Variants in TIMP2 observed in about 807,000 individuals in gnomAD.
TIMP2 encodes metalloproteinase inhibitor 2.
A neutral mutation model predicts 24.3 loss-of-function variants in TIMP2; 5 were observed. That is an observed-to-expected ratio of 0.21 (90% CI 0.11 to 0.43). The LOEUF (loss-of-function observed/expected upper bound fraction) is 0.43. Ranked by LOEUF, TIMP2 falls within the 20% of genes least tolerant of loss-of-function variation. The pLI, the probability that TIMP2 is intolerant of heterozygous loss-of-function variation, is 1.00. For synonymous variants in TIMP2, 130 were observed against 123.2 expected (o/e 1.06, Z -0.37); for missense variants, 221 against 297.5 (o/e 0.74, Z 1.89).
intron 1 of TIMP2, among the ~76,000 whole-genome samples, chr17:78,918,086 A>G (rs966985448): frequency 2.1e-5 from 3 of 146,312 alleles, no homozygotes; most frequent in African/African-American, 7.8e-5. Flanking sequence ...ACACACACAC[A>G]CACACACACA....
intron 2 of TIMP2, among the ~76,000 whole-genome samples, chr17:78,872,381 C>A (rs1045622607): frequency 6.6e-6 from 1 of 152,084 alleles, no homozygotes; most frequent in African/African-American, 2.4e-5. Context: ...ACTCCATGGG[C>A]CAGAAGAGTT....
intron 1 of TIMP2, among the ~76,000 whole-genome samples, chr17:78,877,663 T>C (rs949847126): frequency 3.3e-5 from 5 of 151,934 alleles, no homozygotes; most frequent in African/African-American, 1.2e-4. Context: ...GAATTCTGTA[T>C]GTTATTTTGG....
chr17:78,883,183 G>A (rs189691430), intron 1 of TIMP2, among the ~76,000 whole-genome samples: 138 of 152,342 alleles, frequency 9.1e-4, no homozygotes, highest in African/African-American at 3.2e-3. Flanking sequence ...TGGGAAGCAG[G>A]AAAGACCTCA....
rs115500726 is a variant in TIMP2 at position 78,892,853 on chromosome 17, G to A, written c.131-18934C>T. 7.6e-3 allele frequency among the ~76,000 whole-genome samples: 1,165 copies of A among 152,308 alleles called. 13 individuals are homozygous for A. The highest frequency in any genetic ancestry group is 0.027 in the African/African-American group (1,121 of 41,560). ...GACAGTGAATAACCTGGCCAGAGAT[G>A]TCAGTAGTGCCGAGACTGACAATCC... On this transcript the variant is annotated intron_variant, in intron 1 of 4. Transcript: ENST00000262768.
intron 1 of TIMP2, chr17:78,901,356 G>A: frequency 4.8e-6 from 1 of 207,752 alleles, no homozygotes; most frequent in South Asian, 7.4e-5. Flanking sequence ...AACTGTTCAA[G>A]ACCTAAAGGA....
chr17:78,880,879 T>A (rs2069773446), intron 1 of TIMP2, among the ~76,000 whole-genome samples: 1 of 152,210 alleles, frequency 6.6e-6, no homozygotes, highest in African/African-American at 2.4e-5. Flanking sequence ...GGCCCAAGTT[T>A]GGGACAGGCA....
intron 1 of TIMP2, chr17:78,904,503 C>T (rs6501262): frequency 0.56 from 84,748 of 151,796 alleles, 24,392 homozygotes; most frequent in African/African-American, 0.71. Context: ...GCTGGAAGGA[C>T]CCTGGAAAGG....
intron 4 of TIMP2, 159 bp from the exon 5 acceptor site, chr17:78,856,023 G>A: frequency 1.4e-6 from 1 of 711,602 alleles, no homozygotes; most frequent in Non-Finnish European, 2.4e-6. Context: ...GGGGCAGGCA[G>A]CTGGCCTGCG....
intron 1 of TIMP2, chr17:78,901,953 TAAAAC>T: frequency 1.7e-6 from 1 of 597,048 alleles, no homozygotes. Flanking sequence ...CAAGCCCAGA[TAAAAC>T]AAACATCAGA....
chr17:78,910,194 CT>C lies in TIMP2; in HGVS notation c.130+14764del, dbSNP rs941956227. On this transcript the variant is annotated intron_variant, in intron 1 of 4. Transcript: ENST00000262768. ...AATATACTTTTGTTAATTTCTTTTT[CT>C]TTTTTTTTTTTTTGAGACACGGAGT... Among the ~76,000 whole-genome samples the C allele has an allele frequency of 7.7e-3, 1,091 of 142,516 alleles. 2 individuals are homozygous for C. The highest frequency in any genetic ancestry group is 0.018 in the African/African-American group (717 of 38,940). The allele number at this position is 142,516 out of a possible 152,430, so 93.5% of individuals were successfully genotyped here.
At chr17:78,865,698 A>G (rs184040292) in intron 3 of TIMP2, among the ~76,000 whole-genome samples, 34 of 151,862 alleles carry the variant, frequency 2.2e-4, no homozygotes, top group Admixed American at 5.9e-4. Context: ...AGGCTGAGGC[A>G]GGAGAACTGC....
intron 3 of TIMP2, among the ~76,000 whole-genome samples, chr17:78,869,682 G>T (rs539563799): frequency 3.9e-4 from 59 of 152,260 alleles, no homozygotes; most frequent in African/African-American, 1.4e-3. Context: ...AGGTGTGGTG[G>T]CGTGTGCCTA....
intron 1 of TIMP2, among the ~76,000 whole-genome samples, chr17:78,886,396 T>C (rs185774745): frequency 2.3e-3 from 353 of 152,248 alleles, no homozygotes; most frequent in Middle Eastern, 0.01. Context: ...TTGGGCCCCA[T>C]TGTGGCCATG....
intron 1 of TIMP2, among the ~76,000 whole-genome samples, chr17:78,913,333 C>T (rs570877641): frequency 6.6e-6 from 1 of 152,280 alleles, no homozygotes; most frequent in Admixed American, 6.5e-5. Flanking sequence ...GATGGCTGTG[C>T]GGCTCTGTGA....
At chr17:78,864,774 G>A (rs185709545) in intron 3 of TIMP2, among the ~76,000 whole-genome samples, 1 of 148,102 alleles carries the variant, frequency 6.8e-6, no homozygotes, top group Admixed American at 6.6e-5. Context: ...TCTACCAGCC[G>A]GGTGCAGTGG....
intron 1 of TIMP2, among the ~76,000 whole-genome samples, chr17:78,880,743 C>T (rs1490577477): frequency 1.3e-5 from 2 of 152,316 alleles, no homozygotes; most frequent in African/African-American, 4.8e-5. Flanking sequence ...ACTTATTCCA[C>T]ACTCATTGAA....
chr17:78,890,497 C>T, intron 1 of TIMP2: 1 of 1,005,798 alleles, frequency 9.9e-7, no homozygotes, highest in African/African-American at 1.6e-5. Flanking sequence ...TGCGCCACTG[C>T]ACCCGGCCCC....
chr17:78,878,597 TAC>T (rs1250351936), intron 1 of TIMP2, among the ~76,000 whole-genome samples: 2 of 152,170 alleles, frequency 1.3e-5, no homozygotes, highest in African/African-American at 2.4e-5. Context: ...GGCTGCAGAT[TAC>T]ACACTTTCCT....
intron 1 of TIMP2, among the ~76,000 whole-genome samples, chr17:78,911,656 C>T (rs189311158): frequency 1.3e-4 from 19 of 151,970 alleles, no homozygotes; most frequent in South Asian, 6.3e-4. Context: ...GTTTCAAATT[C>T]CTGACCTCAA....
Sources: allele counts gnomAD v4.1 joint callset (sites outside exome capture counted in the v4.1 genomes callset), GRCh38; gene constraint gnomAD v4.1.1; transcripts MANE v1.5; gene names NCBI Gene and HGNC (gene_info 2026-07-23, HGNC 2026-07-21).